Variants in CCDC9 observed in about 807,000 individuals in gnomAD.
The protein encoded by CCDC9 is coiled-coil domain containing 9, also known as coiled-coil domain-containing protein 9.
In CCDC9, 52 loss-of-function variants were observed where a neutral mutation model predicts 65.6. That is an observed-to-expected ratio of 0.79 (90% CI 0.63 to 1.00). CCDC9 has a LOEUF of 1.00. CCDC9 is among the 50% of genes least tolerant of loss of function. CCDC9 has a pLI of 0.00. For synonymous variants in CCDC9, 332 were observed against 280.3 expected (o/e 1.18, Z -1.84); for missense variants, 834 against 757.2 (o/e 1.10, Z -1.19).
chr19:47,274,026 G>A, downstream of CCDC9: 1 of 974,508 alleles, frequency 1.0e-6, no homozygotes, highest in Non-Finnish European at 1.2e-6. Context: ...GCCTTGATGG[G>A]GAGGGGGCGT....
Position 47,260,686 on chromosome 19 carries a change from C to A in CCDC9, c.309C>A (p.Ala103=), listed in dbSNP as rs201682360. The A allele has an allele frequency of 1.4e-5, 21 of 1,546,896 alleles. No homozygotes were observed. The African/African-American group carries it at 2.9e-4, about 21-fold the overall frequency. Residue 103 remains alanine, a synonymous_variant, in exon 5 of 12, where the codon GCC becomes GCA. Transcript: ENST00000221922. ...GRTPPQQGGR[A]GMGRASRSWE... is the part of the protein sequence containing the mutation. ...CTCCTCCACAGCAGGGAGGCCGGGC[C>A]GGCATGGGCCGAGCATCGCGCAGCT...
intron 5 of CCDC9, among the ~76,000 whole-genome samples, 154 bp downstream of exon 5, chr19:47,260,993 C>T (rs1383161573): frequency 6.6e-6 from 1 of 152,056 alleles, no homozygotes; most frequent in Non-Finnish European, 1.5e-5. Context: ...TCTTCCTCCA[C>T]CTCCTTCTCC....
In CCDC9 at chr19:47,265,622, TACTA is replaced by T. The variant is rs780724607; in HGVS notation, c.720+679_720+682del. On this transcript the variant is annotated intron_variant, in intron 7 of 11. Coordinates refer to ENST00000221922, the MANE Select transcript of CCDC9 (RefSeq NM_015603.3). The stretch of plus-strand genomic sequence containing the variant: ...GTGGTATGTTTGAGGGTTTTCTTGT[TACTA>T]ACAGTATTGTTTACTGGGCACTTAC... 5.9e-5 allele frequency among the ~76,000 whole-genome samples: 9 copies of T among 152,254 alleles called. No individual in the cohort carries two copies. The East Asian group carries it at 1.7e-3, about 29-fold the overall frequency.
downstream of CCDC9, chr19:47,275,050 C>T: frequency 4.0e-6 from 6 of 1,492,754 alleles, no homozygotes; most frequent in South Asian, 1.3e-5. Context: ...TCGCTAGCTG[C>T]CGTGCTGCTC....
downstream of CCDC9, chr19:47,275,248 C>T (rs751695042): frequency 4.3e-4 from 668 of 1,539,058 alleles, 1 homozygote; most frequent in Admixed American, 1.3e-3. Flanking sequence ...CTCCAGCTGC[C>T]GCTGAGCCGC....
intron 8 of CCDC9, 89 bp from the exon 9 acceptor site, chr19:47,270,318 C>A: frequency 1.5e-6 from 2 of 1,298,698 alleles, no homozygotes; most frequent in Non-Finnish European, 2.2e-6. Flanking sequence ...GTCTCTGATC[C>A]GATTCCTGAC....
chr19:47,269,263 A>C (rs114248134), intron 8 of CCDC9, among the ~76,000 whole-genome samples: 2,824 of 152,266 alleles, frequency 0.019, 120 homozygotes, highest in African/African-American at 0.065. Flanking sequence ...AAGAGGTCTA[A>C]TGTTAGGCCC....
At position 47,261,033 on chromosome 19, in the gene CCDC9, CT is replaced by C. The variant is rs767125777; in HGVS notation, c.462+195del. The stretch of plus-strand genomic sequence containing the variant: ...CCTGCTCCCCCTCTTCTAGTTCCCC[CT>C]GTTCCTTCCCTCTCACGCCTAGAGC... On this transcript the variant is annotated intron_variant, in intron 5 of 11. Transcript: ENST00000221922. Among the ~76,000 whole-genome samples, 25 of 152,032 alleles carry C rather than the reference CT, an allele frequency of 1.6e-4. 1 individual carries two copies. Among genetic ancestry groups the C allele is most frequent in the Admixed American group, 1.1e-3 (17 of 15,240 alleles).
In CCDC9 at chr19:47,266,743, C is replaced by G. The variant is rs2059084842; in HGVS notation, c.853C>G (p.Pro285Ala). Reference sequence around the variant, plus strand: ...GGAGCGGCTGCAGAGGCACCGCAAGCCCACTGGCCAGTGGAGGCGCGAGTG... The same window carrying G: ...GGAGCGGCTGCAGAGGCACCGCAAGGCCACTGGCCAGTGGAGGCGCGAGTG... ...DQERLQRHRK[P>A]TGQWRREWDA... The change falls in exon 8 of 12, where the codon CCC becomes GCC. Residue 285 changes from proline to alanine, a missense_variant. Transcript: ENST00000221922. The G allele has an allele frequency of 6.2e-7, 1 of 1,611,760 alleles. No individual in the cohort carries two copies. The highest frequency in any genetic ancestry group is 1.3e-5 in the African/African-American group (1 of 74,902).
intron 7 of CCDC9, 111 bp downstream of exon 7, chr19:47,265,057 C>T: frequency 1.1e-6 from 1 of 948,598 alleles, no homozygotes; most frequent in African/African-American, 1.7e-5. Flanking sequence ...TGTGCCACAG[C>T]ACAGGACTTT....
At chr19:47,273,160 TTA>T (rs2059134047), downstream of CCDC9, among the ~76,000 whole-genome samples, 1 of 151,784 alleles carries the variant, frequency 6.6e-6, no homozygotes, top group Admixed American at 6.6e-5. Context: ...TTGTAAACGG[TTA>T]TGTTGGGAGT....
chr19:47,270,303 C>T (rs574155012), intron 8 of CCDC9, 104 bp from the exon 9 acceptor site: 126 of 1,106,240 alleles, frequency 1.1e-4, no homozygotes, highest in Admixed American at 7.6e-4. Flanking sequence ...TCTGGTTGAC[C>T]GTCTGTCTCT....
intron 5 of CCDC9, among the ~76,000 whole-genome samples, chr19:47,262,316 A>G (rs546179301): frequency 7.0e-4 from 105 of 150,176 alleles, no homozygotes; most frequent in Admixed American, 3.0e-3. Flanking sequence ...TCCTGGGTTC[A>G]AGCAATTCTT....
downstream of CCDC9, chr19:47,275,385 G>C: frequency 6.6e-7 from 1 of 1,526,454 alleles, no homozygotes; most frequent in African/African-American, 1.4e-5. Context: ...GCCAGCCCTC[G>C]AGAGCTCTGT....
At chr19:47,258,207 G>T (rs1422406187) in intron 1 of CCDC9, 123 bp from the exon 2 acceptor site, 2 of 616,872 alleles carry the variant, frequency 3.2e-6, no homozygotes, top group Admixed American at 2.9e-5. Flanking sequence ...GGAGAGTGAG[G>T]GCTACAATTC....
intron 10 of CCDC9, 126 bp downstream of exon 10, chr19:47,270,814 T>C: frequency 8.6e-7 from 1 of 1,164,718 alleles, no homozygotes; most frequent in Non-Finnish European, 1.2e-6. Flanking sequence ...CCTGTCTATC[T>C]CGCAGGTCCG....
At chr19:47,266,448 T>C (rs2059082799) in intron 7 of CCDC9, 163 bp from the exon 8 acceptor site, 2 of 1,078,184 alleles carry the variant, frequency 1.9e-6, no homozygotes, top group Non-Finnish European at 1.3e-6. Flanking sequence ...TTAGGAGATC[T>C]GAGAGGGCCT....
At chr19:47,256,796 G>T (rs1252871757) in intron 1 of CCDC9, among the ~76,000 whole-genome samples, 187 bp downstream of exon 1, 1 of 147,846 alleles carries the variant, frequency 6.8e-6, no homozygotes, top group African/African-American at 2.5e-5. Context: ...CAGGGTCGGG[G>T]CGGGGCGTGG....
downstream of CCDC9, among the ~76,000 whole-genome samples, chr19:47,272,326 C>T (rs1260939777): frequency 2.2e-5 from 3 of 135,238 alleles, no homozygotes; most frequent in African/African-American, 5.7e-5. Context: ...GGGCTGGAGC[C>T]GGGTGGCAGG....
Sources: allele counts gnomAD v4.1 joint callset (sites outside exome capture counted in the v4.1 genomes callset), GRCh38; gene constraint gnomAD v4.1.1; transcripts MANE v1.5; gene names NCBI Gene and HGNC (gene_info 2026-07-23, HGNC 2026-07-21).